AFF3: variants seen among roughly 807,000 people sequenced by gnomAD.
AFF3 encodes AF4/FMR2 family member 3.
Under a neutral mutation model 129.7 loss-of-function variants are expected in AFF3, and 32 were observed. The observed-to-expected ratio is 0.25, with a 90% CI of 0.19 to 0.33. The LOEUF (loss-of-function observed/expected upper bound fraction) is 0.33, where lower values mean the gene tolerates loss of function less well. Among genes scored for constraint, AFF3 ranks in the 10% least tolerant of loss-of-function variants. AFF3 has a pLI of 1.00. For missense variants in AFF3, 1,373 were observed against 1,592.0 expected (o/e 0.86, Z 2.34); for synonymous variants, 644 against 635.4 (o/e 1.01, Z -0.20).
At position 99,869,717 on chromosome 2, in the gene AFF3, C is replaced by G. The variant is rs116076819; in HGVS notation, c.874-32193G>C. ...CCAGCATAAGCAGTGATGTGCTAGA[C>G]AGCCACCAAAACCAAAGTATAACTA... On this transcript the variant is annotated intron_variant, in intron 7 of 24. Transcript: ENST00000672756. Among the ~76,000 whole-genome samples the G allele has an allele frequency of 4.4e-3, 675 of 152,288 alleles. 1 individual carries two copies. The highest frequency in any genetic ancestry group is 0.016 in the African/African-American group (651 of 41,556).
chr2:99,568,755 A>C, intron 19 of AFF3, 97 bp downstream of exon 19: 1 of 1,228,998 alleles, frequency 8.1e-7, no homozygotes, highest in South Asian at 1.2e-5. Context: ...CATCCTTGTA[A>C]TAGATTTTAT....
intron 8 of AFF3, among the ~76,000 whole-genome samples, chr2:99,807,905 C>A (rs920225568): frequency 2.0e-5 from 3 of 152,192 alleles, no homozygotes; most frequent in Non-Finnish European, 4.4e-5. Context: ...AATACAACCC[C>A]TCTGTGCCCC....
intron 4 of AFF3, among the ~76,000 whole-genome samples, chr2:100,084,486 C>A (rs549498524): frequency 1.7e-4 from 26 of 152,332 alleles, no homozygotes; most frequent in Non-Finnish European, 2.8e-4. Context: ...ACAGTTCCTG[C>A]CTTCAACCAA....
intron 7 of AFF3, among the ~76,000 whole-genome samples, chr2:99,844,619 G>C (rs777566774): frequency 4.6e-5 from 7 of 151,566 alleles, no homozygotes; most frequent in Non-Finnish European, 1.0e-4. Context: ...ATTTTTAGTA[G>C]AGATGATGTT....
chr2:99,703,481 G>A (rs542328697), intron 11 of AFF3, among the ~76,000 whole-genome samples: 9 of 152,188 alleles, frequency 5.9e-5, no homozygotes, highest in African/African-American at 1.7e-4. Context: ...ATGAATGTCC[G>A]ATTGTTTCAA....
At chr2:100,075,686 T>C (rs925039035) in intron 4 of AFF3, among the ~76,000 whole-genome samples, 1 of 152,210 alleles carries the variant, frequency 6.6e-6, no homozygotes, top group Admixed American at 6.5e-5. Context: ...AAATTCTGTA[T>C]TTTATGTTTC....
chr2:99,729,477 T>C (rs1287919859), intron 10 of AFF3, among the ~76,000 whole-genome samples: 1 of 152,104 alleles, frequency 6.6e-6, no homozygotes, highest in Non-Finnish European at 1.5e-5. Flanking sequence ...GTGCTGATAA[T>C]GAATTTGCCT....
chr2:99,873,900 C>A (rs982166374), intron 7 of AFF3, among the ~76,000 whole-genome samples: 1 of 152,042 alleles, frequency 6.6e-6, no homozygotes, highest in East Asian at 1.9e-4. Flanking sequence ...CTGGGCCGGG[C>A]GCGGTGGCTC....
intron 15 of AFF3, among the ~76,000 whole-genome samples, chr2:99,588,495 T>C (rs1468464894): frequency 6.6e-6 from 1 of 152,210 alleles, no homozygotes; most frequent in Non-Finnish European, 1.5e-5. Context: ...ACTTTAGATA[T>C]GTGTTAAGGT....
chr2:99,610,141 C>T (rs1259407890), intron 13 of AFF3, among the ~76,000 whole-genome samples: 1 of 152,192 alleles, frequency 6.6e-6, no homozygotes, highest in African/African-American at 2.4e-5. Flanking sequence ...TTGTTGCTCA[C>T]ACAAAGCCTG....
intron 11 of AFF3, among the ~76,000 whole-genome samples, chr2:99,681,516 A>C (rs981804045): frequency 1.3e-5 from 2 of 152,158 alleles, no homozygotes; most frequent in African/African-American, 4.8e-5. Context: ...CTAACCTTAA[A>C]TGTGATAGTA....
chr2:100,019,381 A>G (rs1300745678), intron 4 of AFF3, among the ~76,000 whole-genome samples: 3 of 152,254 alleles, frequency 2.0e-5, no homozygotes, highest in African/African-American at 7.2e-5. Context: ...TAGAAAGAAG[A>G]TAAATGGAAC....
intron 13 of AFF3, among the ~76,000 whole-genome samples, chr2:99,639,373 G>A (rs1002657970): frequency 6.6e-6 from 1 of 152,146 alleles, no homozygotes; most frequent in African/African-American, 2.4e-5. Flanking sequence ...GGGCTGTGAG[G>A]GACACCTCTG....
chr2:99,832,047 G>T (rs1322876498), intron 8 of AFF3, among the ~76,000 whole-genome samples: 3 of 152,206 alleles, frequency 2.0e-5, no homozygotes, highest in Non-Finnish European at 4.4e-5. Flanking sequence ...GTCCTCTAGT[G>T]TAGTGCTGAA....
At chr2:100,024,603 C>T (rs1014153373) in intron 4 of AFF3, among the ~76,000 whole-genome samples, 11 of 151,366 alleles carry the variant, frequency 7.3e-5, no homozygotes, top group East Asian at 1.9e-4. Flanking sequence ...AGTGAAACTC[C>T]GTCTCAAAAA....
intron 9 of AFF3, among the ~76,000 whole-genome samples, chr2:99,750,360 C>T (rs1253978647): frequency 6.6e-6 from 1 of 150,958 alleles, no homozygotes; most frequent in Admixed American, 6.6e-5. Flanking sequence ...TGATAAAAAA[C>T]CCAGATGATA....
At chr2:99,559,325 C>A (rs1675256512) in intron 21 of AFF3, among the ~76,000 whole-genome samples, 1 of 152,304 alleles carries the variant, frequency 6.6e-6, no homozygotes, top group African/African-American at 2.4e-5. Flanking sequence ...CACTGCTTCG[C>A]GGGCGAGCCC....
At chr2:99,891,452 C>G (rs911551826) in intron 7 of AFF3, among the ~76,000 whole-genome samples, 15 of 152,106 alleles carry the variant, frequency 9.9e-5, no homozygotes, top group South Asian at 2.1e-4. Flanking sequence ...AGTAAAGAAG[C>G]GAACAAGGAG....
chr2:99,752,025 T>G (rs1286580540), intron 9 of AFF3, among the ~76,000 whole-genome samples, 196 bp downstream of exon 9: 1 of 152,296 alleles, frequency 6.6e-6, no homozygotes, highest in East Asian at 1.9e-4. Context: ...GAAGTGTAGG[T>G]AAGTAAGATT....
Sources: gnomAD v4.1 joint callset for allele counts (sites outside exome capture counted in the v4.1 genomes callset) on GRCh38, gnomAD v4.1.1 for gene constraint, MANE v1.5 for transcripts, NCBI Gene and HGNC (gene_info 2026-07-23, HGNC 2026-07-21) for gene names.